Variants in ATP11C observed in about 807,000 individuals in gnomAD.
ATP11C encodes ATPase phospholipid transporting 11C (ATP11C blood group), also known as phospholipid-transporting ATPase IG.
In ATP11C, 36 loss-of-function variants were observed where a neutral mutation model predicts 97.4. That is an observed-to-expected ratio of 0.37 (90% CI 0.28 to 0.49). The LOEUF is 0.49. Ranked by LOEUF, ATP11C falls within the 20% of genes least tolerant of loss-of-function variation. The probability of loss-of-function intolerance (pLI) is 0.98; values close to 1 mark genes in which losing one functional copy is unlikely to be tolerated. For missense variants in ATP11C, 730 were observed against 824.6 expected, an observed-to-expected ratio of 0.89 and a Z score of 1.40; for synonymous variants, 275 against 290.9, an observed-to-expected ratio of 0.95 and a Z score of 0.56.
chrX:139,896,587 ACACACAC>A (rs1301854298), intron 1 of ATP11C, among the ~76,000 whole-genome samples: 1 of 100,345 alleles, frequency 1.0e-5, no homozygotes, highest in African/African-American at 4.0e-5. Flanking sequence ...ACACACACAC[ACACACAC>A]TTTTTTTCCC....
chrX:139,832,141 A>G (rs1372841125), intron 1 of ATP11C: 3 of 1,205,189 alleles, frequency 2.5e-6, no homozygotes, highest in Admixed American at 2.2e-5. Context: ...AGAAATAAAT[A>G]TAGATTACAA....
At chrX:139,782,017 T>C (rs2050810673) in intron 18 of ATP11C, among the ~76,000 whole-genome samples, 1 of 111,695 alleles carries the variant, frequency 9.0e-6, no homozygotes, top group Non-Finnish European at 1.9e-5. Context: ...CTAGGTTACA[T>C]GAATTTACCT....
At chrX:139,732,125 TCAAA>T (rs1362484829) in intron 28 of ATP11C, among the ~76,000 whole-genome samples, 1 of 110,630 alleles carries the variant, frequency 9.0e-6, no homozygotes, top group Middle Eastern at 4.3e-3. Flanking sequence ...TGCCGTATTA[TCAAA>T]CAAAGAGAAA....
rs1273333146 is a variant in ATP11C at position 139,728,913 on chromosome X, C to T, written c.*53G>A. On this transcript the variant is annotated 3_prime_UTR_variant, in exon 30 of 30. Transcript: ENST00000682941. ...ATGCTTTCTTTTTTAGCTGTAACCA[C>T]TGTCAGTATGCTTGTAGGACAATAA... 2 of 1,203,707 alleles carry T rather than the reference C, an allele frequency of 1.7e-6. No homozygotes were observed. Among genetic ancestry groups the T allele is most frequent in the Non-Finnish European group, 2.2e-6 (2 of 889,859 alleles).
chrX:139,816,656 C>T (rs903482054), intron 4 of ATP11C, among the ~76,000 whole-genome samples: 1 of 111,887 alleles, frequency 8.9e-6, no homozygotes, highest in African/African-American at 3.3e-5. Flanking sequence ...TACATTTACA[C>T]CCACATACAC....
At chrX:139,800,333 G>A (rs1380567317) in intron 7 of ATP11C, among the ~76,000 whole-genome samples, 5 of 112,076 alleles carry the variant, frequency 4.5e-5, no homozygotes, top group Non-Finnish European at 7.5e-5. Flanking sequence ...TGGGATTATA[G>A]GAGCAGAAAC....
At chrX:139,759,893 A>C (rs1252783215) in intron 22 of ATP11C, among the ~76,000 whole-genome samples, 1 of 111,929 alleles carries the variant, frequency 8.9e-6, no homozygotes, top group Admixed American at 9.4e-5. Context: ...AGTTGCTTAA[A>C]TTGCAGGCCA....
chrX:139,847,243 T>C (rs192745140), intron 1 of ATP11C, among the ~76,000 whole-genome samples: 114 of 109,617 alleles, frequency 1.0e-3, no homozygotes, highest in African/African-American at 3.7e-3. Flanking sequence ...TACCTGGGCA[T>C]GGTGGCGTGC....
At chrX:139,856,977 T>C (rs965130231) in intron 1 of ATP11C, among the ~76,000 whole-genome samples, 21 of 112,031 alleles carry the variant, frequency 1.9e-4, no homozygotes, top group African/African-American at 6.2e-4. Context: ...AACAAAGGCA[T>C]TGCAAGGTCT....
At chrX:139,798,127 C>A in intron 10 of ATP11C, 146 bp downstream of exon 10, 1 of 486,683 alleles carries the variant, frequency 2.1e-6, no homozygotes, top group Non-Finnish European at 3.4e-6. Context: ...AATCATTGAG[C>A]ACAGTTTCTG....
Position 139,803,685 on chromosome X carries a change from C to CTTTTTTTTTTT in ATP11C, c.555+775_555+785dup, listed in dbSNP as rs140315105. ...AAACATTTTCCAAACTACACCCTAT[C>CTTTTTTTTTTT]TTTTTTTTTTTTTTTTTTTTTTTTT... On this transcript the variant is annotated intron_variant, in intron 6 of 29. Coordinates refer to ENST00000682941, the MANE Select transcript of ATP11C (RefSeq NM_001353812.2). Among the ~76,000 whole-genome samples, 11 of 38,265 alleles carry CTTTTTTTTTTT rather than the reference C, an allele frequency of 2.9e-4. 1 individual carries two copies. The highest frequency in any genetic ancestry group is 1.2e-3 in the African/African-American group (11 of 9,558). 33.2% of individuals were successfully genotyped at this position (38,265 alleles called of 115,157 possible).
intron 1 of ATP11C, among the ~76,000 whole-genome samples, chrX:139,839,254 T>C (rs781257302): frequency 2.6e-4 from 29 of 111,748 alleles, no homozygotes; most frequent in South Asian, 1.5e-3. Flanking sequence ...GTTTAATAAG[T>C]ATGGAGTTTC....
chrX:139,930,718 G>C (rs1482205198), intron 1 of ATP11C, among the ~76,000 whole-genome samples: 1 of 112,158 alleles, frequency 8.9e-6, no homozygotes, highest in African/African-American at 3.3e-5. Context: ...GTAATAATCT[G>C]TTCCAATTTC....
chrX:139,909,461 C>T (rs2085034279), intron 1 of ATP11C, among the ~76,000 whole-genome samples: 1 of 111,098 alleles, frequency 9.0e-6, no homozygotes. Flanking sequence ...CATTTCTTTC[C>T]TTCTGTATCT....
intron 1 of ATP11C, among the ~76,000 whole-genome samples, chrX:139,916,013 G>A (rs1222018713): frequency 9.0e-6 from 1 of 111,413 alleles, no homozygotes; most frequent in Non-Finnish European, 1.9e-5. Context: ...CAGATTACCT[G>A]AGGTCAGGAG....
intron 1 of ATP11C, among the ~76,000 whole-genome samples, chrX:139,883,742 G>A (rs1174227925): frequency 9.0e-6 from 1 of 111,401 alleles, no homozygotes; most frequent in Non-Finnish European, 1.9e-5. Context: ...TTGGAAAAGA[G>A]TAAAATAAAT....
intron 1 of ATP11C, among the ~76,000 whole-genome samples, chrX:139,884,153 G>C (rs2084603584): frequency 9.0e-6 from 1 of 111,668 alleles, no homozygotes; most frequent in Non-Finnish European, 1.9e-5. Flanking sequence ...TTGATTGGTA[G>C]AGTTGGAGCC....
At chrX:139,854,454 GA>G (rs1027321483) in intron 1 of ATP11C, among the ~76,000 whole-genome samples, 3 of 110,630 alleles carry the variant, frequency 2.7e-5, no homozygotes, top group Admixed American at 9.6e-5. Flanking sequence ...TCACCTTTAG[GA>G]AAAAAAAGGG....
At chrX:139,812,147 CA>C (rs1483180413) in intron 5 of ATP11C, among the ~76,000 whole-genome samples, 2 of 111,507 alleles carry the variant, frequency 1.8e-5, no homozygotes, top group South Asian at 7.6e-4. Context: ...GGAGTCTCAA[CA>C]AACTCTTTCC....
Sources: allele counts gnomAD v4.1 joint callset (sites outside exome capture counted in the v4.1 genomes callset), GRCh38; gene constraint gnomAD v4.1.1; transcripts MANE v1.5; gene names NCBI Gene and HGNC (gene_info 2026-07-23, HGNC 2026-07-21).